GABRA3: variants seen among roughly 807,000 people sequenced by gnomAD.
GABRA3 encodes the protein gamma-aminobutyric acid type A receptor subunit alpha3.
GABRA3 carries 10 observed loss-of-function variants against 30.1 expected under a neutral mutation model. That is an observed-to-expected ratio of 0.33 (90% CI 0.20 to 0.56). GABRA3 has a LOEUF of 0.56. Among genes scored for constraint, GABRA3 ranks in the 20% least tolerant of loss-of-function variants. The pLI, the probability that GABRA3 is intolerant of heterozygous loss-of-function variation, is 0.89. For missense variants in GABRA3, 233 were observed against 392.0 expected (o/e 0.59, Z 3.42); for synonymous variants, 151 against 146.8 (o/e 1.03, Z -0.21).
intron 2 of GABRA3, among the ~76,000 whole-genome samples, chrX:152,357,113 T>C (rs778417623): frequency 8.9e-6 from 1 of 112,017 alleles, no homozygotes; most frequent in East Asian, 2.8e-4. Flanking sequence ...TATCCAATAA[T>C]GGGATGCCTG....
At chrX:152,230,378 C>T (rs35871272) in intron 5 of GABRA3, among the ~76,000 whole-genome samples, 1 of 111,150 alleles carries the variant, frequency 9.0e-6, no homozygotes, top group South Asian at 3.7e-4. Context: ...TTTAGAAGTC[C>T]TAATAGCATT....
chrX:152,387,152 T>A (rs1304068837), intron 1 of GABRA3, among the ~76,000 whole-genome samples: 1 of 48,257 alleles, frequency 2.1e-5, no homozygotes, highest in African/African-American at 8.7e-5. Flanking sequence ...TGTTGTGGGG[T>A]AGGGGGAGGG....
Position 152,329,865 on chromosome X carries a change from C to T in GABRA3, c.262+15716G>A, listed in dbSNP as rs773849537. 6.3e-5 allele frequency among the ~76,000 whole-genome samples: 7 copies of T among 111,514 alleles called. No homozygotes were observed. In the South Asian group the frequency reaches 1.5e-3, roughly 24 times the overall value. On this transcript the variant is annotated intron_variant, in intron 3 of 9. Coordinates refer to ENST00000370314, the MANE Select transcript of GABRA3 (RefSeq NM_000808.4). ...GAAAAATGGGATCTAATTAAACTAA[C>T]GAGCTTCTGCACAGCAAAAGTAACT...
chrX:152,402,897 T>G (rs1174426651), intron 1 of GABRA3, among the ~76,000 whole-genome samples: 1 of 111,746 alleles, frequency 8.9e-6, no homozygotes, highest in East Asian at 2.8e-4. Context: ...GTTGTCCACT[T>G]GAAGAAGAAG....
At chrX:152,241,276 C>T (rs1237316652) in intron 5 of GABRA3, among the ~76,000 whole-genome samples, 54 of 89,912 alleles carry the variant, frequency 6.0e-4, no homozygotes, top group Admixed American at 9.7e-4. Context: ...GTCAGTGTGC[C>T]CCTGCTGGGG....
At chrX:152,186,501 G>A (rs1030171680) in intron 9 of GABRA3, among the ~76,000 whole-genome samples, 3 of 111,203 alleles carry the variant, frequency 2.7e-5, no homozygotes, top group East Asian at 2.8e-4. Flanking sequence ...CGCCTTCAGC[G>A]CCATCAGTTA....
chrX:152,449,208 C>T lies in GABRA3; in HGVS notation c.-27+1938G>A, dbSNP rs180868882. 6.2e-5 allele frequency among the ~76,000 whole-genome samples: 7 copies of T among 112,172 alleles called. No homozygotes were observed. In the Admixed American group the frequency reaches 6.6e-4, roughly 11 times the overall value. ...CGAATATAAGTTACTGGGAAACAGA[C>T]TTTGGCTTATGATGGGGAATACTTT... On this transcript the variant is annotated intron_variant, in intron 1 of 9. Transcript: ENST00000370314.
chrX:152,354,194 G>T (rs1003768038), intron 2 of GABRA3, among the ~76,000 whole-genome samples: 5 of 111,354 alleles, frequency 4.5e-5, no homozygotes, highest in African/African-American at 1.6e-4. Flanking sequence ...TAATAGCATG[G>T]ACTCTGGAAC....
chrX:152,290,492 T>A (rs1418338264), intron 3 of GABRA3, among the ~76,000 whole-genome samples: 7 of 112,089 alleles, frequency 6.2e-5, no homozygotes, highest in Admixed American at 5.7e-4. Context: ...TAGTTTCTTT[T>A]GCTGTGCAGA....
chrX:152,245,272 T>C (rs1249328311), intron 5 of GABRA3, among the ~76,000 whole-genome samples: 2 of 111,101 alleles, frequency 1.8e-5, no homozygotes, highest in Non-Finnish European at 3.8e-5. Context: ...GCAGTTGAGG[T>C]GCCAGGCCAG....
chrX:152,324,117 T>C (rs1940014250), intron 3 of GABRA3, among the ~76,000 whole-genome samples: 1 of 112,433 alleles, frequency 8.9e-6, no homozygotes, highest in South Asian at 3.7e-4. Flanking sequence ...AGCTCATTTA[T>C]TTGTTGGTGG....
At chrX:152,334,310 A>G (rs1940202908) in intron 3 of GABRA3, among the ~76,000 whole-genome samples, 1 of 111,763 alleles carries the variant, frequency 8.9e-6, no homozygotes, top group African/African-American at 3.2e-5. Flanking sequence ...GAACAAGACA[A>G]TGGTGTCTGC....
At position 152,265,337 on chromosome X, in the gene GABRA3, A is replaced by G. The variant is rs141266987; in HGVS notation, c.331-9339T>C. 1.5e-4 allele frequency among the ~76,000 whole-genome samples: 17 copies of G among 111,801 alleles called. No individual in the cohort carries two copies. In the East Asian group the frequency reaches 4.7e-3, roughly 31 times the overall value. ...TGGAAAAAAACCAGAAATCAATAATAAGAGGAATTTTGGAAACTACACAAA... is the reference window on the plus strand; with the variant it reads ...TGGAAAAAAACCAGAAATCAATAATGAGAGGAATTTTGGAAACTACACAAA... On this transcript the variant is annotated intron_variant, in intron 4 of 9. Coordinates refer to ENST00000370314, the MANE Select transcript of GABRA3 (RefSeq NM_000808.4).
At chrX:152,207,928 T>C (rs1434228719) in intron 7 of GABRA3, 73 bp downstream of exon 7, 1 of 929,692 alleles carries the variant, frequency 1.1e-6, no homozygotes, top group Non-Finnish European at 1.5e-6. Flanking sequence ...AAGTAAGTTA[T>C]AAGCACTTAG....
At chrX:152,205,719 C>A (rs753234288) in intron 7 of GABRA3, among the ~76,000 whole-genome samples, 1 of 111,177 alleles carries the variant, frequency 9.0e-6, no homozygotes, top group South Asian at 3.8e-4. Flanking sequence ...GTACATTTTA[C>A]CTGGATTATG....
chrX:152,186,021 C>A (rs1230272873), intron 9 of GABRA3, among the ~76,000 whole-genome samples: 1 of 111,100 alleles, frequency 9.0e-6, no homozygotes, highest in Non-Finnish European at 1.9e-5. Flanking sequence ...AGAAAATACT[C>A]ATTCCCCAAC....
chrX:152,331,291 C>G (rs1361260395), intron 3 of GABRA3, among the ~76,000 whole-genome samples: 1 of 109,584 alleles, frequency 9.1e-6, no homozygotes, highest in Non-Finnish European at 1.9e-5. Flanking sequence ...CACTAACTCA[C>G]GAATTAGAGG....
At chrX:152,445,147 C>T (rs1323030405) in intron 1 of GABRA3, among the ~76,000 whole-genome samples, 1 of 108,022 alleles carries the variant, frequency 9.3e-6, no homozygotes, top group African/African-American at 3.4e-5. Flanking sequence ...AAATATATAT[C>T]CTGGAGATTT....
At chrX:152,440,939 C>G (rs926889009) in intron 1 of GABRA3, among the ~76,000 whole-genome samples, 24 of 108,841 alleles carry the variant, frequency 2.2e-4, no homozygotes, top group African/African-American at 7.4e-4. Flanking sequence ...GTGCAGCAAA[C>G]CACCATGGCA....
Sources: gnomAD v4.1 joint callset for allele counts (sites outside exome capture counted in the v4.1 genomes callset) on GRCh38, gnomAD v4.1.1 for gene constraint, MANE v1.5 for transcripts, NCBI Gene and HGNC (gene_info 2026-07-23, HGNC 2026-07-21) for gene names.